Variants in TIAM1 observed in about 807,000 individuals in gnomAD.
TIAM1 encodes the protein rho guanine nucleotide exchange factor TIAM1.
TIAM1 carries 65 observed loss-of-function variants against 163.5 expected under a neutral mutation model. That is an observed-to-expected ratio of 0.40 (90% CI 0.33 to 0.49). The LOEUF (loss-of-function observed/expected upper bound fraction) is 0.49, where lower values mean the gene tolerates loss of function less well. TIAM1 is among the 20% of genes least tolerant of loss of function. The pLI is 0.77. For missense variants in TIAM1, 1,789 were observed against 2,044.7 expected, an observed-to-expected ratio of 0.87 and a Z score of 2.41; for synonymous variants, 833 against 810.1, an observed-to-expected ratio of 1.03 and a Z score of -0.48.
At chr21:31,219,063 G>A (rs923685799) in intron 8 of TIAM1, among the ~76,000 whole-genome samples, 2 of 114,752 alleles carry the variant, frequency 1.7e-5, no homozygotes, top group African/African-American at 3.4e-5. Context: ...ACGGAGTCTC[G>A]CTCTGTCACC....
chr21:31,396,298 G>A (rs915240767), intron 2 of TIAM1, among the ~76,000 whole-genome samples: 24 of 152,054 alleles, frequency 1.6e-4, no homozygotes, highest in East Asian at 5.8e-4. Context: ...CCTTTCCCAC[G>A]CATGCCTCCT....
intron 2 of TIAM1, among the ~76,000 whole-genome samples, chr21:31,300,342 T>C (rs1342877547): frequency 6.6e-6 from 1 of 152,232 alleles, no homozygotes; most frequent in Non-Finnish European, 1.5e-5. Context: ...TATTTCTTTA[T>C]AGCAATGCAA....
chr21:31,157,272 T>C (rs1227905529), intron 16 of TIAM1, among the ~76,000 whole-genome samples: 2 of 152,180 alleles, frequency 1.3e-5, no homozygotes, highest in African/African-American at 4.8e-5. Flanking sequence ...TTTGGTGAAC[T>C]GGTGAGTGAC....
intron 12 of TIAM1, among the ~76,000 whole-genome samples, chr21:31,202,053 A>G (rs1446630524): frequency 6.6e-6 from 1 of 152,110 alleles, no homozygotes; most frequent in Non-Finnish European, 1.5e-5. Flanking sequence ...CCCCAGTCCC[A>G]TAAGTATGTT....
rs766191686 is a variant in TIAM1 at position 31,266,227 on chromosome 21, G to A, written c.746C>T (p.Pro249Leu). The change falls in exon 4 of 28, where the codon CCG becomes CTG. Residue 249 changes from proline (P) to leucine (L), a missense_variant. Transcript: ENST00000541036. ...ACAGTAGCCTGCAAATTTGCTCCCC[G>A]GCCCCCCGTTTGCTGTCACTCCAGA... ...KNSGVTANGG[P>L]GSKFAGYCRN... 24 of 1,613,972 alleles carry A rather than the reference G, an allele frequency of 1.5e-5. 1 individual carries two copies. Among genetic ancestry groups the A allele is most frequent in the South Asian group, 1.1e-4 (10 of 91,080 alleles).
intron 2 of TIAM1, among the ~76,000 whole-genome samples, chr21:31,399,479 T>C (rs944871566): frequency 6.6e-5 from 10 of 152,226 alleles, no homozygotes; most frequent in African/African-American, 2.4e-4. Flanking sequence ...TTCTTCAGGC[T>C]GACAGAATGA....
rs901502039 is a variant in TIAM1 at position 31,395,118 on chromosome 21, G to A, written c.-368-55696C>T. ...CCAGGCATGGTGGCGCGTGCCTGTA[G>A]TCCCAGCTACTTGGGAGGCTGCGGC... On this transcript the variant is annotated intron_variant, in intron 2 of 28. Transcript: ENST00000286827. This position sits in a 1 kb window ranked among gnomAD's most constrained non-coding sequence, Gnocchi z 7.5. 1.3e-4 allele frequency among the ~76,000 whole-genome samples: 20 copies of A among 152,022 alleles called. No homozygotes were observed. The highest frequency in any genetic ancestry group is 1.5e-5 in the Non-Finnish European group (1 of 68,004).
chr21:31,407,667 GCT>G (rs943146933), intron 2 of TIAM1, among the ~76,000 whole-genome samples: 1 of 122,426 alleles, frequency 8.2e-6, no homozygotes, highest in Non-Finnish European at 1.6e-5. Flanking sequence ...ACAGAGTCTC[GCT>G]CTGTCACCCA....
chr21:31,192,938 T>C (rs1464999271), intron 13 of TIAM1, among the ~76,000 whole-genome samples: 1 of 152,144 alleles, frequency 6.6e-6, no homozygotes, highest in African/African-American at 2.4e-5. Context: ...GCGTGGTGAA[T>C]GTGAGAAATA....
At chr21:31,213,278 C>G in intron 10 of TIAM1, 120 bp downstream of exon 10, 2 of 825,850 alleles carry the variant, frequency 2.4e-6, no homozygotes, top group East Asian at 5.9e-5. Flanking sequence ...CTTTTAAAAA[C>G]TGATTTCAGT....
rs967436982 is a variant in TIAM1, at chr21:31,154,361, T to G, written c.3057A>C (p.Pro1019=). 1 of 1,614,056 alleles carries G rather than the reference T, an allele frequency of 6.2e-7. No individual in the cohort carries two copies. ...LHEMNPSDQS[P]SPQDSTGPQL... is the part of the protein sequence containing the mutation. The stretch of plus-strand genomic sequence containing the variant: ...GAGGCCCCGTGGAGTCCTGAGGAGA[T>G]GGGCTCTGGTCAGAGGGGTTCATCT... Residue 1019 remains proline, a synonymous_variant, in exon 17 of 28, where the codon CCA becomes CCC. Transcript: ENST00000541036.
intron 1 of TIAM1, among the ~76,000 whole-genome samples, chr21:31,478,770 G>GTT (rs2046015697): frequency 6.6e-6 from 1 of 152,166 alleles, no homozygotes; most frequent in African/African-American, 2.4e-5. Context: ...AGAAGCCAAA[G>GTT]TGTTTCAACT....
chr21:31,259,694 G>A (rs1190035671), intron 4 of TIAM1, among the ~76,000 whole-genome samples: 2 of 151,734 alleles, frequency 1.3e-5, no homozygotes, highest in Non-Finnish European at 2.9e-5. Flanking sequence ...TAAATGACCA[G>A]CTCTCAAAGT....
chr21:31,472,855 G>C (rs1004629574), intron 1 of TIAM1, among the ~76,000 whole-genome samples: 9 of 152,248 alleles, frequency 5.9e-5, no homozygotes, highest in Non-Finnish European at 1.2e-4. Context: ...GCTTTGAACA[G>C]AGCTTGGCAT....
intron 1 of TIAM1, among the ~76,000 whole-genome samples, chr21:31,496,778 G>A (rs1026832516): frequency 1.3e-5 from 2 of 151,952 alleles, no homozygotes; most frequent in African/African-American, 4.8e-5. Context: ...CACCCTATAC[G>A]GGTGTAGCAC....
At chr21:31,156,257 T>C (rs1277076401) in intron 16 of TIAM1, among the ~76,000 whole-genome samples, 2 of 152,234 alleles carry the variant, frequency 1.3e-5, no homozygotes, top group Non-Finnish European at 2.9e-5. Context: ...CTAATTCTCT[T>C]ACAATTACCA....
intron 6 of TIAM1, among the ~76,000 whole-genome samples, chr21:31,235,721 C>G (rs1422557738): frequency 6.6e-6 from 1 of 152,110 alleles, no homozygotes; most frequent in African/African-American, 2.4e-5. Context: ...CAAATTTAAA[C>G]TAATGTAAGA....
chr21:31,336,475 G>C (rs906144443), intron 2 of TIAM1, among the ~76,000 whole-genome samples: 2 of 143,654 alleles, frequency 1.4e-5, no homozygotes, highest in Non-Finnish European at 3.0e-5. Flanking sequence ...ACAATTTTTA[G>C]AATTGCCCCT....
intron 14 of TIAM1, among the ~76,000 whole-genome samples, chr21:31,183,258 A>G (rs1055646654): frequency 5.3e-5 from 8 of 152,146 alleles, no homozygotes; most frequent in Admixed American, 5.2e-4. Context: ...CTCTTTTGGT[A>G]GATCCCCAAA....
Sources: allele counts gnomAD v4.1 joint callset (sites outside exome capture counted in the v4.1 genomes callset), GRCh38; gene constraint gnomAD v4.1.1; non-coding constraint Gnocchi (gnomAD v3.1); transcripts MANE v1.5; gene names NCBI Gene and HGNC (gene_info 2026-07-23, HGNC 2026-07-21).